Variants in FXN observed in about 807,000 individuals in gnomAD.
FXN encodes the protein frataxin, also known as frataxin, mitochondrial.
Under a neutral mutation model 22.4 loss-of-function variants are expected in FXN, and 14 were observed. The observed-to-expected ratio is 0.62, with a 90% confidence interval of 0.41 to 0.98. The LOEUF (loss-of-function observed/expected upper bound fraction) is 0.98, where lower values mean the gene tolerates loss of function less well. FXN is among the 50% of genes least tolerant of loss of function. The probability of loss-of-function intolerance (pLI) is 0.00; values close to 1 mark genes in which losing one functional copy is unlikely to be tolerated. For synonymous variants in FXN, 120 were observed against 114.1 expected, an observed-to-expected ratio of 1.05 and a Z score of -0.33; for missense variants, 267 against 268.4, an observed-to-expected ratio of 0.99 and a Z score of 0.04.
chr9:69,077,723 A>C lies in FXN; in HGVS notation c.*4961A>C. 1 of 850,040 alleles carries C rather than the reference A, an allele frequency of 1.2e-6. No homozygotes were observed. The highest frequency in any genetic ancestry group is 1.4e-6 in the Non-Finnish European group (1 of 706,716). The allele number at this position is 850,040 out of a possible 1,614,324, so 52.7% of individuals were successfully genotyped here. On this transcript the variant is annotated 3_prime_UTR_variant, in exon 5 of 5. Transcript: ENST00000484259. ...GGCAGGTGGATCACCTGAGGTTAGG[A>C]GTTCGAGGCCAGCCTGGTCAACATG...
intron 2 of FXN, among the ~76,000 whole-genome samples, chr9:69,049,321 TTCTC>T (rs1252110316): frequency 6.6e-6 from 1 of 152,084 alleles, no homozygotes; most frequent in African/African-American, 2.4e-5. Flanking sequence ...AACACACCCT[TTCTC>T]TCCAGCTCAC....
chr9:69,074,501 CAG>C lies in FXN; in HGVS notation c.*1742_*1743del, dbSNP rs1832332067. The C allele has an allele frequency of 1.0e-6, 1 of 974,532 alleles. No homozygotes were observed. Among genetic ancestry groups the C allele is most frequent in the Admixed American group, 6.7e-5 (1 of 14,938 alleles). 60.4% of individuals were successfully genotyped at this position (974,532 alleles called of 1,614,324 possible). A position where few individuals can be genotyped will look rare whatever the true frequency, so the allele number is the denominator to read the frequency against. On this transcript the variant is annotated 3_prime_UTR_variant, in exon 5 of 5. Coordinates refer to ENST00000484259, the MANE Select transcript of FXN (RefSeq NM_000144.5). ...GTGAGTCGAGATCGTACCTGAGCGA[CAG>C]AGCGAGACTCCGTCTCAAAAAAAAA...
chr9:69,046,607 C>G, intron 2 of FXN, 125 bp downstream of exon 2: 1 of 715,700 alleles, frequency 1.4e-6, no homozygotes, highest in Non-Finnish European at 2.5e-6. Context: ...ACTGAGTATC[C>G]ACCACATTAT....
In FXN at chr9:69,073,185, A is replaced by G. The variant is rs4745577; in HGVS notation, c.*423A>G. 508,542 of 1,076,924 alleles carry G rather than the reference A, an allele frequency of 0.47. 121,797 individuals carry two copies. The highest frequency in any genetic ancestry group is 0.65 in the East Asian group (8,705 of 13,352). The allele number at this position is 1,076,924 out of a possible 1,614,324, so 66.7% of individuals were successfully genotyped here. A position where few individuals can be genotyped will look rare whatever the true frequency, so the allele number is the denominator to read the frequency against. On this transcript the variant is annotated 3_prime_UTR_variant, in exon 5 of 5. Coordinates refer to ENST00000484259, the MANE Select transcript of FXN (RefSeq NM_000144.5). ...AGCTGGTCAACCTGCTCACTGTTCT[A>G]TCTCCAAATGAGACACATTAAAGGG...
rs1412325825 is a variant in FXN, at chr9:69,073,104, A to T, written c.*342A>T. On this transcript the variant is annotated 3_prime_UTR_variant, in exon 5 of 5. Transcript: ENST00000484259. ...AGGAAAAATTCCAGGAGGGAAAATG[A>T]ATTGTCTTCACTCTTCATTCTTTGA... The T allele has an allele frequency of 6.8e-6, 8 of 1,171,800 alleles. No individual in the cohort carries two copies. In the Admixed American group the frequency reaches 1.3e-4, roughly 19 times the overall value. 72.6% of individuals were successfully genotyped at this position (1,171,800 alleles called of 1,614,324 possible). A position where few individuals can be genotyped will look rare whatever the true frequency, so the allele number is the denominator to read the frequency against.
chr9:69,076,231 T>TTTTTTTA lies in FXN; in HGVS notation c.*3469_*3470insTTTTTTA. 2 of 956,940 alleles carry TTTTTTTA rather than the reference T, an allele frequency of 2.1e-6. No individual in the cohort carries two copies. The highest frequency in any genetic ancestry group is 2.5e-6 in the Non-Finnish European group (2 of 807,230). The allele number at this position is 956,940 out of a possible 1,614,324, so 59.3% of individuals were successfully genotyped here. A position where few individuals can be genotyped will look rare whatever the true frequency, so the allele number is the denominator to read the frequency against. On this transcript the variant is annotated 3_prime_UTR_variant, in exon 5 of 5. Coordinates refer to ENST00000484259, the MANE Select transcript of FXN (RefSeq NM_000144.5). ...AGTGGCCTCATGTTTTTTTTTTTTT[T>TTTTTTTA]AATCTATAAAATGGAGATATCTAAC...
chr9:69,074,969 A>G lies in FXN; in HGVS notation c.*2207A>G, dbSNP rs1312056035. 1.0e-6 allele frequency: 1 copy of G among 985,206 alleles called. No individual in the cohort carries two copies. Among genetic ancestry groups the G allele is most frequent in the African/African-American group, 1.7e-5 (1 of 57,186 alleles). The allele number at this position is 985,206 out of a possible 1,614,324, so 61.0% of individuals were successfully genotyped here. A position where few individuals can be genotyped will look rare whatever the true frequency, so the allele number is the denominator to read the frequency against. ...TACTTAGAACTCGGTGACATGATGT[A>G]CTCCTTTATCTGGGACACAGCACAA... is the stretch of plus-strand genomic sequence containing the variant. On this transcript the variant is annotated 3_prime_UTR_variant, in exon 5 of 5. Transcript: ENST00000484259.
intron 2 of FXN, among the ~76,000 whole-genome samples, chr9:69,047,910 G>T (rs1161100985): frequency 6.6e-6 from 1 of 152,094 alleles, no homozygotes; most frequent in Non-Finnish European, 1.5e-5. Flanking sequence ...TAAAGACGGG[G>T]TTTCACCATG....
rs948150160 is a variant in FXN, at chr9:69,061,614, AC to A, written c.385-3321del. Among the ~76,000 whole-genome samples the A allele has an allele frequency of 1.1e-3, 162 of 151,916 alleles. 1 individual carries two copies. The highest frequency in any genetic ancestry group is 3.6e-3 in the Admixed American group (55 of 15,260). On this transcript the variant is annotated intron_variant, in intron 3 of 4. Transcript: ENST00000484259. ...TACATGTGCCATGCTGGTGTGCTGC[AC>A]CCATTAACTCGTCATTTAGCATTAG...
chr9:69,046,557 T>C, intron 2 of FXN, 75 bp downstream of exon 2: 1 of 1,015,280 alleles, frequency 9.8e-7, no homozygotes, highest in South Asian at 1.3e-5. Context: ...AACCTGGTTT[T>C]CTTCCTGAGC....
In FXN at chr9:69,074,056, G is replaced by T. The variant is rs1317745519; in HGVS notation, c.*1294G>T. On this transcript the variant is annotated 3_prime_UTR_variant, in exon 5 of 5. Coordinates refer to ENST00000484259, the MANE Select transcript of FXN (RefSeq NM_000144.5). ...AAAAATTAGCCGGGCATGATGGCAG[G>T]TGCCTGTAATCCCAGCTACTTGGGA... is the stretch of plus-strand genomic sequence containing the variant. The T allele has an allele frequency of 3.2e-6, 1 of 310,276 alleles. No individual in the cohort carries two copies. The highest frequency in any genetic ancestry group is 2.3e-5 in the African/African-American group (1 of 44,252). The allele number at this position is 310,276 out of a possible 1,614,324, so 19.2% of individuals were successfully genotyped here. A position where few individuals can be genotyped will look rare whatever the true frequency, so the allele number is the denominator to read the frequency against.
At chr9:69,036,352 GTGTC>G (rs2133088114) in intron 1 of FXN, 2 of 155,400 alleles carry the variant, frequency 1.3e-5, no homozygotes, top group East Asian at 3.8e-4. Context: ...CATAATGTGT[GTGTC>G]TGTGTGTATC....
intron 2 of FXN, among the ~76,000 whole-genome samples, chr9:69,051,294 G>A (rs1281247366): frequency 1.3e-4 from 19 of 151,848 alleles, no homozygotes; most frequent in Admixed American, 1.2e-3. Context: ...CGGGGTCTCT[G>A]TTGTCTCAGA....
intron 1 of FXN, among the ~76,000 whole-genome samples, chr9:69,043,015 G>A (rs1564329728): frequency 6.6e-6 from 1 of 152,110 alleles, no homozygotes. Flanking sequence ...ATCCTCATTC[G>A]TTAAGAGTCT....
chr9:69,076,089 T>C lies in FXN; in HGVS notation c.*3327T>C. 1.0e-6 allele frequency: 1 copy of C among 984,850 alleles called. No individual in the cohort carries two copies. The highest frequency in any genetic ancestry group is 1.2e-6 in the Non-Finnish European group (1 of 829,406). 61.0% of individuals were successfully genotyped at this position (984,850 alleles called of 1,614,324 possible). A position where few individuals can be genotyped will look rare whatever the true frequency, so the allele number is the denominator to read the frequency against. The stretch of plus-strand genomic sequence containing the variant: ...AATAAAATGTTCTGGCATGACTTAT[T>C]TAGCTCTCTGGAATTACAAAGAAGG... On this transcript the variant is annotated 3_prime_UTR_variant, in exon 5 of 5. Transcript: ENST00000484259.
intron 1 of FXN, among the ~76,000 whole-genome samples, chr9:69,044,170 C>T (rs142655820): frequency 2.8e-4 from 42 of 152,276 alleles, no homozygotes; most frequent in African/African-American, 8.9e-4. Context: ...ATAATTTGCT[C>T]GTTGAGTGTT....
chr9:69,070,976 T>G (rs1832264120), intron 4 of FXN, among the ~76,000 whole-genome samples: 3 of 150,898 alleles, frequency 2.0e-5, no homozygotes, highest in Non-Finnish European at 4.4e-5. Flanking sequence ...AGCCTGTTTT[T>G]TTTGTTTGTT....
At position 69,075,572 on chromosome 9, in the gene FXN, T is replaced by C. The variant is rs1832350648; in HGVS notation, c.*2810T>C. The C allele has an allele frequency of 1.5e-5, 15 of 985,114 alleles. No homozygotes were observed. The highest frequency in any genetic ancestry group is 1.8e-5 in the Non-Finnish European group (15 of 829,820). The allele number at this position is 985,114 out of a possible 1,614,324, so 61.0% of individuals were successfully genotyped here. Reference sequence around the variant, plus strand: ...GGAAAAGTACCACTGTGTGTACCAATAGCCTCCCCACCACAGACCCTGGGA... The same window carrying C: ...GGAAAAGTACCACTGTGTGTACCAACAGCCTCCCCACCACAGACCCTGGGA... On this transcript the variant is annotated 3_prime_UTR_variant, in exon 5 of 5. Transcript: ENST00000484259.
rs1832304180 is a variant in FXN at position 69,073,137 on chromosome 9, A to T, written c.*375A>T. On this transcript the variant is annotated 3_prime_UTR_variant, in exon 5 of 5. Coordinates refer to ENST00000484259, the MANE Select transcript of FXN (RefSeq NM_000144.5). ...TCACTCTTCATTCTTTGAAGGATTT[A>T]CTGCAAGAAGTACATGAAGAGCAGC... The T allele has an allele frequency of 8.8e-7, 1 of 1,131,942 alleles. No individual in the cohort carries two copies. The highest frequency in any genetic ancestry group is 6.4e-5 in the East Asian group (1 of 15,540). The allele number at this position is 1,131,942 out of a possible 1,614,324, so 70.1% of individuals were successfully genotyped here.
Sources: allele counts gnomAD v4.1 joint callset (sites outside exome capture counted in the v4.1 genomes callset), GRCh38; gene constraint gnomAD v4.1.1; transcripts MANE v1.5; gene names NCBI Gene and HGNC (gene_info 2026-07-23, HGNC 2026-07-21).